Variants in MDGA2 observed in about 807,000 individuals in gnomAD.
MDGA2 encodes the protein MAM domain-containing glycosylphosphatidylinositol anchor protein 2.
A neutral mutation model predicts 117.8 loss-of-function variants in MDGA2; 40 were observed. The ratio of observed to expected loss-of-function variants is 0.34; its 90% CI spans 0.26 to 0.44. MDGA2 has a LOEUF of 0.44. Among genes scored for constraint, MDGA2 ranks in the 20% least tolerant of loss-of-function variants. The pLI, the probability that MDGA2 is intolerant of heterozygous loss-of-function variation, is 1.00. For missense variants in MDGA2, 1,123 were observed against 1,250.6 expected, an observed-to-expected ratio of 0.90 and a Z score of 1.54; for synonymous variants, 452 against 439.0, an observed-to-expected ratio of 1.03 and a Z score of -0.37.
intron 1 of MDGA2, chr14:47,626,375 G>A (rs1373082008): frequency 1.3e-5 from 2 of 152,998 alleles, no homozygotes; most frequent in African/African-American, 2.4e-5. Flanking sequence ...CCGCTACACT[G>A]TGAGGTGACA....
chr14:46,931,815 A>C (rs1884590318), intron 9 of MDGA2, among the ~76,000 whole-genome samples: 1 of 152,006 alleles, frequency 6.6e-6, no homozygotes, highest in African/African-American at 2.4e-5. Context: ...GAGCCACTGC[A>C]CCCAGCCTAC....
intron 3 of MDGA2, chr14:47,200,896 G>A (rs1371920062): frequency 1.2e-5 from 10 of 854,228 alleles, no homozygotes; most frequent in South Asian, 2.7e-5. Flanking sequence ...AGTCCAGAGC[G>A]GCCTGGCCTC....
Position 47,218,164 on chromosome 14 carries a change from G to C in MDGA2, c.452C>G (p.Ser151Cys). The C allele has an allele frequency of 6.5e-7, 1 of 1,550,242 alleles. No individual in the cohort carries two copies. Among genetic ancestry groups the C allele is most frequent in the South Asian group, 1.2e-5 (1 of 83,920 alleles). ...IRWTKTAGSASDRFQDSSVFN... is the reference protein window; with the variant it reads ...IRWTKTAGSACDRFQDSSVFN... ...GACACTTGAGTCTTGGAATCTGTCAGAGGCACTTCCTGCTGTTTTGGTCCA... is the reference window on the plus strand; with the variant it reads ...GACACTTGAGTCTTGGAATCTGTCACAGGCACTTCCTGCTGTTTTGGTCCA... Residue 151 changes from serine (S) to cysteine (C), a missense_variant, in exon 3 of 17, where the codon TCT (serine) becomes TGT (cysteine). Around this residue, in one of 2 missense-constraint regions of MDGA2, gnomAD observed 233 missense variants for 200.3 expected, o/e 1.16. Transcript: ENST00000399232.
intron 10 of MDGA2, among the ~76,000 whole-genome samples, chr14:46,913,946 A>G: frequency 6.6e-6 from 1 of 152,176 alleles, no homozygotes; most frequent in Middle Eastern, 3.2e-3. Context: ...ATTTTAATAC[A>G]ACATGACTTA....
At chr14:47,307,337 G>A (rs1889486027) in intron 1 of MDGA2, among the ~76,000 whole-genome samples, 1 of 152,022 alleles carries the variant, frequency 6.6e-6, no homozygotes, top group Non-Finnish European at 1.5e-5. Flanking sequence ...CAACTCCATT[G>A]CCTAACATCT....
At chr14:46,980,322 G>T (rs1218609733) in intron 8 of MDGA2, among the ~76,000 whole-genome samples, 2 of 152,176 alleles carry the variant, frequency 1.3e-5, no homozygotes, top group African/African-American at 4.8e-5. Context: ...GGAGCCTGAA[G>T]ATGTGACTGA....
chr14:47,405,531 C>T (rs1272837723), intron 1 of MDGA2, among the ~76,000 whole-genome samples: 1 of 152,056 alleles, frequency 6.6e-6, no homozygotes, highest in South Asian at 2.1e-4. Context: ...TACTATTCCT[C>T]GCTGGTGGAA....
intron 16 of MDGA2, among the ~76,000 whole-genome samples, chr14:46,842,979 A>T (rs1381921825): frequency 6.6e-6 from 1 of 152,190 alleles, no homozygotes; most frequent in Non-Finnish European, 1.5e-5. Context: ...AATGACACAA[A>T]TGTAACAGAA....
intron 14 of MDGA2, among the ~76,000 whole-genome samples, chr14:46,859,564 T>C (rs1167949788): frequency 6.6e-6 from 1 of 152,158 alleles, no homozygotes; most frequent in African/African-American, 2.4e-5. Context: ...GGTCAGGAAA[T>C]TTTCCTCAGG....
intron 3 of MDGA2, 62 bp downstream of exon 3, chr14:47,217,959 A>G: frequency 3.0e-6 from 4 of 1,319,448 alleles, no homozygotes; most frequent in Non-Finnish European, 4.0e-6. Flanking sequence ...AAAACCATAG[A>G]CTTGTAAGAC....
chr14:46,980,752 TA>T (rs1566557841), intron 8 of MDGA2, among the ~76,000 whole-genome samples: 2 of 152,210 alleles, frequency 1.3e-5, no homozygotes, highest in African/African-American at 4.8e-5. Flanking sequence ...TATGACTCAC[TA>T]AAGGTTCAGA....
chr14:47,244,907 T>C (rs1451252995), intron 2 of MDGA2, among the ~76,000 whole-genome samples: 2 of 151,852 alleles, frequency 1.3e-5, no homozygotes, highest in African/African-American at 4.8e-5. Flanking sequence ...TGCTCCTCTC[T>C]TCCTCCTCAG....
intron 1 of MDGA2, among the ~76,000 whole-genome samples, chr14:47,546,720 G>A (rs954991956): frequency 6.6e-6 from 1 of 152,098 alleles, no homozygotes; most frequent in Non-Finnish European, 1.5e-5. Flanking sequence ...AAGGGTTGTG[G>A]GAGCTCCAGA....
chr14:47,227,497 T>C (rs1326792114), intron 2 of MDGA2, among the ~76,000 whole-genome samples: 4 of 152,166 alleles, frequency 2.6e-5, no homozygotes, highest in Non-Finnish European at 5.9e-5. Context: ...CCTTAATAAA[T>C]CACTTGCACA....
chr14:47,084,787 G>A (rs1425951590), intron 6 of MDGA2, among the ~76,000 whole-genome samples: 1 of 152,114 alleles, frequency 6.6e-6, no homozygotes, highest in East Asian at 1.9e-4. Context: ...TGAAACGTTT[G>A]CAGTGTGCAG....
intron 14 of MDGA2, among the ~76,000 whole-genome samples, chr14:46,864,193 TGG>T: frequency 6.6e-6 from 1 of 150,802 alleles, no homozygotes; most frequent in Non-Finnish European, 1.5e-5. Flanking sequence ...AGTTTTGGAA[TGG>T]TAGAAATATT....
intron 1 of MDGA2, among the ~76,000 whole-genome samples, chr14:47,374,493 AT>A (rs1157140308): frequency 1.1e-4 from 16 of 152,256 alleles, no homozygotes; most frequent in African/African-American, 3.1e-4. Flanking sequence ...TGCTCAAATT[AT>A]TAAGATTTTC....
In MDGA2 at chr14:47,401,688, C is replaced by T. The variant is rs531880012; in HGVS notation, c.281-100138G>A. 1.4e-4 allele frequency among the ~76,000 whole-genome samples: 22 copies of T among 152,328 alleles called. No individual in the cohort carries two copies. The South Asian group carries it at 3.7e-3, about 26-fold the overall frequency. ...GCTGTTGTGTGATCCTGTCTATCTA[C>T]TCAATCAGATCAATTCACTCAGAAG... On this transcript the variant is annotated intron_variant, in intron 1 of 16. Coordinates refer to ENST00000399232, the MANE Select transcript of MDGA2 (RefSeq NM_001113498.3).
At chr14:47,048,132 C>T (rs1338706893) in intron 7 of MDGA2, among the ~76,000 whole-genome samples, 2 of 152,022 alleles carry the variant, frequency 1.3e-5, no homozygotes, top group East Asian at 1.9e-4. Context: ...TCCCTATATA[C>T]ATCTACTCCT....
Sources: gnomAD v4.1 joint callset for allele counts (sites outside exome capture counted in the v4.1 genomes callset) on GRCh38, gnomAD v4.1.1 for gene constraint, gnomAD v4.1.1 regional missense constraint, MANE v1.5 for transcripts, NCBI Gene and HGNC (gene_info 2026-07-23, HGNC 2026-07-21) for gene names.